FRMPD3: variants seen among roughly 807,000 people sequenced by gnomAD.
FRMPD3 encodes the protein FERM and PDZ domain-containing protein 3.
FRMPD3 carries 42 observed loss-of-function variants against 97.9 expected under a neutral mutation model. The observed-to-expected ratio is 0.43, with a 90% CI of 0.34 to 0.55. FRMPD3 has a LOEUF of 0.55. FRMPD3 is among the 20% of genes least tolerant of loss of function. FRMPD3 has a pLI of 0.03. For synonymous variants in FRMPD3, 577 were observed against 581.1 expected (o/e 0.99, Z 0.10); for missense variants, 1,303 against 1,457.7 (o/e 0.89, Z 1.73).
In FRMPD3 at chrX:107,530,530, C is replaced by T. The variant is rs925821356; in HGVS notation, c.251+19C>T. 1.8e-6 allele frequency: 2 copies of T among 1,084,609 alleles called. No individual in the cohort carries two copies. The highest frequency in any genetic ancestry group is 3.6e-5 in the African/African-American group (2 of 55,037). 89.4% of individuals were successfully genotyped at this position (1,084,609 alleles called of 1,213,427 possible). A position where few individuals can be genotyped will look rare whatever the true frequency, so the allele number is the denominator to read the frequency against. On this transcript the variant is annotated intron_variant, in intron 3 of 14. Coordinates refer to ENST00000683843, the MANE Select transcript of FRMPD3 (RefSeq NM_001388459.1). ...TTATCAGGTAACAGGGGCCTTTTGGCAGGAACTGATCAGTATCCCCACCCC... is the reference window on the plus strand; with the variant it reads ...TTATCAGGTAACAGGGGCCTTTTGGTAGGAACTGATCAGTATCCCCACCCC...
At chrX:107,504,184 C>T (rs1921978560) in intron 1 of FRMPD3, among the ~76,000 whole-genome samples, 1 of 112,799 alleles carries the variant, frequency 8.9e-6, no homozygotes, top group Non-Finnish European at 1.9e-5. Context: ...GGTGTGGAGT[C>T]TGTCTGTTCC....
intron 2 of FRMPD3, among the ~76,000 whole-genome samples, chrX:107,529,701 G>GA (rs986127125): frequency 1.2e-4 from 13 of 110,536 alleles, no homozygotes; most frequent in East Asian, 2.8e-4. Context: ...TCTCAGTGTA[G>GA]AAAAAAAAAT....
intron 12 of FRMPD3, among the ~76,000 whole-genome samples, chrX:107,568,905 AAGAGAGAGAGAGAGAGAGAGAGAGGG>A (rs1172534990): frequency 5.8e-5 from 6 of 103,237 alleles, no homozygotes; most frequent in Non-Finnish European, 1.2e-4. Context: ...ACAAAAATGA[AAGAGAGAGAGAGAGAGAGAGAGAGGG>A]AGAGAGAGAG....
At chrX:107,583,177 G>C (rs958374216) in intron 13 of FRMPD3, among the ~76,000 whole-genome samples, 70 of 108,572 alleles carry the variant, frequency 6.4e-4, no homozygotes, top group African/African-American at 2.3e-3. Flanking sequence ...TGCTACATGG[G>C]TATACATGTG....
chrX:107,478,168 A>G (rs1349580672), intron 1 of FRMPD3, among the ~76,000 whole-genome samples: 2 of 112,310 alleles, frequency 1.8e-5, no homozygotes, highest in Non-Finnish European at 3.8e-5. Context: ...ATTTAACCAC[A>G]AAAGTAATAT....
chrX:107,451,632 C>G (rs763953934), intron 1 of FRMPD3, among the ~76,000 whole-genome samples: 9 of 112,752 alleles, frequency 8.0e-5, no homozygotes, highest in Non-Finnish European at 1.5e-4. Context: ...CTCAACAAGA[C>G]TTGGCCGTGC....
At chrX:107,489,779 T>C (rs1404340183) in intron 1 of FRMPD3, among the ~76,000 whole-genome samples, 1 of 111,863 alleles carries the variant, frequency 8.9e-6, no homozygotes, top group Non-Finnish European at 1.9e-5. Flanking sequence ...TTCTCCCATT[T>C]TGTGGGTTGC....
intron 1 of FRMPD3, among the ~76,000 whole-genome samples, chrX:107,456,233 T>C (rs919875528): frequency 3.6e-5 from 4 of 110,347 alleles, no homozygotes; most frequent in Non-Finnish European, 7.6e-5. Flanking sequence ...CAGGGTCTTG[T>C]TGTGTTGCCT....
intron 1 of FRMPD3, among the ~76,000 whole-genome samples, chrX:107,476,490 A>G (rs1379029477): frequency 8.9e-6 from 1 of 112,066 alleles, no homozygotes; most frequent in Non-Finnish European, 1.9e-5. Context: ...CCGGTTGCAA[A>G]CATGTCACCA....
intron 1 of FRMPD3, among the ~76,000 whole-genome samples, chrX:107,511,539 C>T (rs1002444974): frequency 8.9e-6 from 1 of 112,983 alleles, no homozygotes; most frequent in Non-Finnish European, 1.9e-5. Context: ...CCCAGGCCAT[C>T]GATGCCTTAG....
chrX:107,452,789 C>T (rs868627711), intron 1 of FRMPD3, among the ~76,000 whole-genome samples: 1 of 110,464 alleles, frequency 9.1e-6, no homozygotes, highest in Non-Finnish European at 1.9e-5. Context: ...GCTGTGTGGC[C>T]CAGTTGGGGG....
chrX:107,582,158 A>G (rs1923422274), intron 13 of FRMPD3, among the ~76,000 whole-genome samples: 1 of 110,714 alleles, frequency 9.0e-6, no homozygotes, highest in South Asian at 3.8e-4. Context: ...TTTTAACCGT[A>G]TCTTCACCAA....
chrX:107,521,351 G>A (rs1321240997), intron 1 of FRMPD3, among the ~76,000 whole-genome samples: 2 of 112,193 alleles, frequency 1.8e-5, no homozygotes, highest in African/African-American at 6.5e-5. Flanking sequence ...TTTTCAAAGT[G>A]TGGTCTGTGG....
chrX:107,597,655 C>T lies in FRMPD3; in HGVS notation c.1776C>T (p.Ser592=). The change falls in exon 14 of 15, where the codon AGC becomes AGT. Residue 592 remains serine (S), a synonymous_variant. Transcript: ENST00000683843. The part of the protein sequence containing the change: ...AASLDHEPCA[S]RARSYTLDNS... ...GCCTAGACCACGAGCCTTGTGCCAG[C>T]AGGGCCCGGTCCTACACCTTGGACA... 8.3e-7 allele frequency: 1 copy of T among 1,210,720 alleles called. No individual in the cohort carries two copies. The highest frequency in any genetic ancestry group is 3.0e-5 in the East Asian group (1 of 33,828).
intron 1 of FRMPD3, among the ~76,000 whole-genome samples, chrX:107,457,791 C>G (rs779154569): frequency 8.9e-6 from 1 of 112,068 alleles, no homozygotes; most frequent in East Asian, 2.8e-4. Context: ...ACTCTCAGCT[C>G]CATCCCATCA....
intron 1 of FRMPD3, among the ~76,000 whole-genome samples, chrX:107,491,246 G>T (rs914341864): frequency 8.9e-6 from 1 of 112,163 alleles, no homozygotes; most frequent in African/African-American, 3.2e-5. Context: ...GCTGTCATTT[G>T]TGAAGCACTT....
chrX:107,575,623 G>A (rs966447882), intron 12 of FRMPD3, among the ~76,000 whole-genome samples: 3 of 111,507 alleles, frequency 2.7e-5, no homozygotes, highest in Non-Finnish European at 5.7e-5. Flanking sequence ...GCTAATTTTT[G>A]TATTTTTAGT....
chrX:107,482,564 G>A (rs766378025), intron 1 of FRMPD3, among the ~76,000 whole-genome samples: 1 of 111,612 alleles, frequency 9.0e-6, no homozygotes, highest in South Asian at 3.8e-4. Flanking sequence ...GAGGACTAAG[G>A]AGCAAACCTT....
chrX:107,455,294 C>T lies in FRMPD3; in HGVS notation c.-8+5289C>T, dbSNP rs756070779. 1.2e-4 allele frequency among the ~76,000 whole-genome samples: 14 copies of T among 112,303 alleles called. 1 individual carries two copies. Among genetic ancestry groups the T allele is most frequent in the African/African-American group, 4.5e-4 (14 of 30,918 alleles). ...TTGGGGCTGGGTGTGGTGGCTCAGG[C>T]CTGTAATCCTAACACTTTGGGAGGC... On this transcript the variant is annotated intron_variant, in intron 1 of 14. Transcript: ENST00000683843.
Sources: allele counts gnomAD v4.1 joint callset (sites outside exome capture counted in the v4.1 genomes callset), GRCh38; gene constraint gnomAD v4.1.1; transcripts MANE v1.5; gene names NCBI Gene and HGNC (gene_info 2026-07-23, HGNC 2026-07-21).